ZNF423: variants seen among roughly 807,000 people sequenced by gnomAD.
ZNF423 encodes Ebf-associated zinc finger protein.
ZNF423 carries 12 observed loss-of-function variants against 95.8 expected under a neutral mutation model. That is an observed-to-expected ratio of 0.13 (90% confidence interval 0.08 to 0.20). The LOEUF is 0.20. ZNF423 is among the 10% of genes least tolerant of loss of function. The pLI is 1.00. For missense variants in ZNF423, 1,316 were observed against 1,737.1 expected (o/e 0.76, Z 4.31); for synonymous variants, 749 against 711.9 (o/e 1.05, Z -0.83).
intron 1 of ZNF423, chr16:49,822,658 T>G (rs2034959042): frequency 1.2e-6 from 2 of 1,606,384 alleles, no homozygotes; most frequent in African/African-American, 2.7e-5. Flanking sequence ...GCCCAAGGCC[T>G]CCCCTGCTCA....
intron 5 of ZNF423, among the ~76,000 whole-genome samples, chr16:49,538,756 C>T (rs1597072402): frequency 6.6e-6 from 1 of 152,176 alleles, no homozygotes; most frequent in African/African-American, 2.4e-5. Context: ...AAGTAGCTCT[C>T]GATGCCTTGC....
At chr16:49,691,348 G>C (rs2031772957) in intron 3 of ZNF423, among the ~76,000 whole-genome samples, 1 of 152,210 alleles carries the variant, frequency 6.6e-6, no homozygotes, top group African/African-American at 2.4e-5. Flanking sequence ...GACCGGCATG[G>C]GTTTGCCTCC....
chr16:49,563,168 G>A (rs1293866966), intron 5 of ZNF423, among the ~76,000 whole-genome samples: 6 of 152,204 alleles, frequency 3.9e-5, no homozygotes, highest in Admixed American at 1.3e-4. Flanking sequence ...CCCCAGTGTG[G>A]TCGTGTTGGG....
Position 49,637,262 on chromosome 16 carries a change from C to T in ZNF423, c.1914G>A (p.Gly638=). Reference sequence around the variant, plus strand: ...GGTCGCATTGATTGCAAGGATACTCCCCATTGGAGATGGAGTTGGCGCTTG... The same window carrying T: ...GGTCGCATTGATTGCAAGGATACTCTCCATTGGAGATGGAGTTGGCGCTTG... The part of the protein sequence containing the change: ...LSASANSISN[G]EYPCNQCDLK... The change falls in exon 4 of 8, where the codon GGG becomes GGA. Residue 638 remains glycine (G), a synonymous_variant. Coordinates refer to ENST00000563137, the MANE Select transcript of ZNF423 (RefSeq NM_001379286.1). The surrounding 1 kb of genome is among the most constrained non-coding windows in gnomAD (Gnocchi z 5.6). The T allele has an allele frequency of 6.2e-7, 1 of 1,614,172 alleles. No homozygotes were observed. The highest frequency in any genetic ancestry group is 8.5e-7 in the Non-Finnish European group (1 of 1,180,048).
chr16:49,844,116 T>TAA (rs563357549), intron 1 of ZNF423, among the ~76,000 whole-genome samples: 68 of 132,318 alleles, frequency 5.1e-4, no homozygotes, highest in African/African-American at 1.2e-3. Flanking sequence ...CTCCATCTGT[T>TAA]AAAAAAAAAA....
chr16:49,857,528 C>A (rs2035384711), upstream of ZNF423, among the ~76,000 whole-genome samples: 1 of 152,162 alleles, frequency 6.6e-6, no homozygotes, highest in South Asian at 2.1e-4. This position sits in a 1 kb window ranked among gnomAD's most constrained non-coding sequence, Gnocchi z 6.2. Flanking sequence ...TGCCACCTCG[C>A]GATGTATGCC....
intron 3 of ZNF423, among the ~76,000 whole-genome samples, chr16:49,690,786 C>T (rs995262033): frequency 6.6e-6 from 1 of 152,142 alleles, no homozygotes; most frequent in African/African-American, 2.4e-5. Context: ...TACCCCCGAG[C>T]GCTCCCAACA....
intron 2 of ZNF423, among the ~76,000 whole-genome samples, chr16:49,740,385 G>A (rs1346098102): frequency 6.6e-6 from 1 of 152,116 alleles, no homozygotes; most frequent in East Asian, 1.9e-4. Flanking sequence ...GTGTGGCCAG[G>A]GCTGGGCAAA....
At chr16:49,614,091 A>G (rs1971803530) in intron 5 of ZNF423, among the ~76,000 whole-genome samples, 1 of 152,256 alleles carries the variant, frequency 6.6e-6, no homozygotes, top group African/African-American at 2.4e-5. Context: ...AAGAACTCTC[A>G]AAACTAAATG....
In ZNF423 at chr16:49,583,570, A is replaced by T. The variant is rs187379422; in HGVS notation, c.3601+42600T>A. On this transcript the variant is annotated intron_variant, in intron 5 of 7. Coordinates refer to ENST00000563137, the MANE Select transcript of ZNF423 (RefSeq NM_001379286.1). ...TCTACAGAAGTACTAATGACTATGCATATTTCATATATATTCACACACACA... is the reference window on the plus strand; with the variant it reads ...TCTACAGAAGTACTAATGACTATGCTTATTTCATATATATTCACACACACA... 3.3e-5 allele frequency among the ~76,000 whole-genome samples: 5 copies of T among 152,364 alleles called. No individual in the cohort carries two copies. In the East Asian group the frequency reaches 7.7e-4, roughly 23 times the overall value.
chr16:49,572,242 A>T (rs1597120017), intron 5 of ZNF423, among the ~76,000 whole-genome samples: 1 of 152,130 alleles, frequency 6.6e-6, no homozygotes, highest in Non-Finnish European at 1.5e-5. Context: ...AAACATGACA[A>T]TTCCCTCGGC....
At chr16:49,755,158 C>A (rs975205266) in intron 2 of ZNF423, among the ~76,000 whole-genome samples, 1 of 152,186 alleles carries the variant, frequency 6.6e-6, no homozygotes, top group African/African-American at 2.4e-5. Flanking sequence ...ATTTTCAGCT[C>A]TCTGGAGCCA....
intron 5 of ZNF423, among the ~76,000 whole-genome samples, chr16:49,624,024 G>A (rs1393450201): frequency 6.6e-6 from 1 of 152,170 alleles, no homozygotes; most frequent in East Asian, 1.9e-4. Flanking sequence ...GGGGCGTTAA[G>A]TCCATACAAC....
chr16:49,744,460 C>T (rs1451358117), intron 2 of ZNF423, among the ~76,000 whole-genome samples: 1 of 152,004 alleles, frequency 6.6e-6, no homozygotes, highest in East Asian at 2.0e-4. Context: ...CACACATGGC[C>T]AGGTGGGGTG....
At chr16:49,859,269 AG>A (rs2035405429), upstream of ZNF423, among the ~76,000 whole-genome samples, 1 of 151,980 alleles carries the variant, frequency 6.6e-6, no homozygotes, top group Admixed American at 6.5e-5. Flanking sequence ...CTAATCCGAA[AG>A]GACGAGATCC....
At chr16:49,692,322 C>T (rs1388458943) in intron 3 of ZNF423, among the ~76,000 whole-genome samples, 2 of 152,090 alleles carry the variant, frequency 1.3e-5, no homozygotes, top group Non-Finnish European at 2.9e-5. Context: ...AGGGGGAAAA[C>T]GATGAGGCTT....
At chr16:49,778,411 C>G (rs60860522) in intron 2 of ZNF423, among the ~76,000 whole-genome samples, 3 of 152,354 alleles carry the variant, frequency 2.0e-5, no homozygotes, top group African/African-American at 7.2e-5. Flanking sequence ...TGGCCATTTC[C>G]TAATGGGCAC....
rs188400906 is a variant in ZNF423, at chr16:49,523,379, A to G, written c.3849+245T>C. 6.6e-5 allele frequency among the ~76,000 whole-genome samples: 10 copies of G among 152,312 alleles called. No individual in the cohort carries two copies. In the East Asian group the frequency reaches 1.2e-3, roughly 18 times the overall value. On this transcript the variant is annotated intron_variant, in intron 7 of 7. Transcript: ENST00000563137. ...GAGCAGACAGGACTTGCCACGAAAC[A>G]CCTCAAATGTAAGCTTCTGACTCCT...
chr16:49,812,689 A>G (rs944957191), intron 1 of ZNF423, among the ~76,000 whole-genome samples: 1 of 152,218 alleles, frequency 6.6e-6, no homozygotes, highest in East Asian at 1.9e-4. Context: ...CAGAAAACCT[A>G]AATAAATGAA....
Sources: allele counts gnomAD v4.1 joint callset (sites outside exome capture counted in the v4.1 genomes callset), GRCh38; gene constraint gnomAD v4.1.1; non-coding constraint Gnocchi (gnomAD v3.1); transcripts MANE v1.5; gene names NCBI Gene and HGNC (gene_info 2026-07-23, HGNC 2026-07-21).